Variants in TMEM108 observed in about 807,000 individuals in gnomAD.
The protein encoded by TMEM108 is cancer/testis antigen 124.
Under a neutral mutation model 35.1 loss-of-function variants are expected in TMEM108, and 12 were observed. The ratio of observed to expected loss-of-function variants is 0.34; its 90% confidence interval spans 0.22 to 0.55. TMEM108 has a LOEUF of 0.55. TMEM108 is among the 20% of genes least tolerant of loss of function. The pLI is 0.89. For missense variants in TMEM108, 680 were observed against 753.3 expected (o/e 0.90, Z 1.14); for synonymous variants, 287 against 308.6 (o/e 0.93, Z 0.73).
chr3:133,207,986 T>A (rs1001362764), intron 2 of TMEM108, among the ~76,000 whole-genome samples: 2 of 152,230 alleles, frequency 1.3e-5, no homozygotes, highest in African/African-American at 4.8e-5. Context: ...TAGATCTTTC[T>A]GTTCCAGCTA....
At chr3:133,133,398 G>A (rs1415985740) in intron 2 of TMEM108, among the ~76,000 whole-genome samples, 1 of 152,188 alleles carries the variant, frequency 6.6e-6, no homozygotes. Flanking sequence ...ATTAAGGTAT[G>A]TACTTTTTTT....
intron 2 of TMEM108, among the ~76,000 whole-genome samples, chr3:133,116,980 G>A (rs954323582): frequency 6.6e-6 from 1 of 152,130 alleles, no homozygotes; most frequent in Non-Finnish European, 1.5e-5. Context: ...ATGTTGGCCA[G>A]GCTAGTCTCC....
At chr3:133,231,187 T>C (rs1215778706) in intron 3 of TMEM108, among the ~76,000 whole-genome samples, 1 of 152,166 alleles carries the variant, frequency 6.6e-6, no homozygotes, top group Non-Finnish European at 1.5e-5. Context: ...ACACACACAA[T>C]ATGTTATTTT....
intron 2 of TMEM108, among the ~76,000 whole-genome samples, chr3:133,150,342 G>GTT (rs10663538): frequency 1.4e-4 from 15 of 109,684 alleles, no homozygotes; most frequent in Non-Finnish European, 2.1e-4. Flanking sequence ...AGGTTATTTG[G>GTT]TTTTTTTTTT....
intron 3 of TMEM108, among the ~76,000 whole-genome samples, chr3:133,249,732 C>A (rs1946440457): frequency 6.6e-6 from 1 of 152,042 alleles, no homozygotes; most frequent in African/African-American, 2.4e-5. Context: ...TCAGTTGATT[C>A]CACGTCTTTG....
At chr3:133,297,008 G>T (rs1947155176) in intron 3 of TMEM108, among the ~76,000 whole-genome samples, 2 of 152,130 alleles carry the variant, frequency 1.3e-5, no homozygotes, top group Admixed American at 6.6e-5. Context: ...AATAGAACAA[G>T]GCCCAGGTCT....
chr3:133,115,267 A>G (rs1236887689), intron 2 of TMEM108, among the ~76,000 whole-genome samples: 1 of 152,224 alleles, frequency 6.6e-6, no homozygotes. Flanking sequence ...TTCATGAAAG[A>G]CTGTTTACAG....
intron 2 of TMEM108, among the ~76,000 whole-genome samples, chr3:133,208,034 A>G (rs1945783752): frequency 6.6e-6 from 1 of 152,212 alleles, no homozygotes; most frequent in African/African-American, 2.4e-5. Flanking sequence ...ATAAAGGTAT[A>G]TTATTTATCC....
At chr3:133,267,409 G>A (rs1946714746) in intron 3 of TMEM108, among the ~76,000 whole-genome samples, 2 of 152,168 alleles carry the variant, frequency 1.3e-5, no homozygotes, top group South Asian at 4.1e-4. Flanking sequence ...GCTTCCTGGA[G>A]AAAGCAGCTA....
chr3:133,375,137 A>G (rs897916782), intron 3 of TMEM108, among the ~76,000 whole-genome samples: 1 of 152,250 alleles, frequency 6.6e-6, no homozygotes, highest in Admixed American at 6.5e-5. Flanking sequence ...AGTGTATAGT[A>G]CATATTAGCC....
At chr3:133,105,630 C>CACGTGTGTGTGT (rs1944140413) in intron 2 of TMEM108, among the ~76,000 whole-genome samples, 1 of 151,808 alleles carries the variant, frequency 6.6e-6, no homozygotes, top group Admixed American at 6.6e-5. Context: ...TATGTGTGTG[C>CACGTGTGTGTGT]GTGCACATGT....
intron 3 of TMEM108, among the ~76,000 whole-genome samples, chr3:133,302,415 CTTTTTTT>C (rs927704510): frequency 9.1e-5 from 10 of 110,084 alleles, no homozygotes; most frequent in Non-Finnish European, 1.1e-4. Context: ...TTCTTTCTTT[CTTTTTTT>C]TTTTTTTTTT....
chr3:133,063,365 C>T (rs1943557520), intron 2 of TMEM108, among the ~76,000 whole-genome samples: 4 of 152,148 alleles, frequency 2.6e-5, no homozygotes, highest in African/African-American at 9.6e-5. Flanking sequence ...CAGGATTTTA[C>T]AGAAGAAAGG....
In TMEM108 at chr3:133,086,301, C is replaced by CT. The variant is rs546850344; in HGVS notation, c.-47+40291dup. 6.6e-4 allele frequency among the ~76,000 whole-genome samples: 98 copies of CT among 149,450 alleles called. 1 individual carries two copies. Among genetic ancestry groups the CT allele is most frequent in the East Asian group, 7.8e-4 (4 of 5,098 alleles). Reference sequence around the variant, plus strand: ...TTACTTAATCTCTCGAGCATTTGAGCTTTTTTTTTTCTTTTGCCATCTGTA... The same window carrying CT: ...TTACTTAATCTCTCGAGCATTTGAGCTTTTTTTTTTTCTTTTGCCATCTGTA... On this transcript the variant is annotated intron_variant, in intron 2 of 5. Coordinates refer to ENST00000321871, the MANE Select transcript of TMEM108 (RefSeq NM_023943.4).
chr3:133,203,763 T>G (rs1945707886), intron 2 of TMEM108, among the ~76,000 whole-genome samples: 1 of 152,190 alleles, frequency 6.6e-6, no homozygotes, highest in African/African-American at 2.4e-5. Flanking sequence ...GTTCTTTTTT[T>G]GTTGTGTCCC....
At chr3:133,308,672 T>A (rs1020555119) in intron 3 of TMEM108, among the ~76,000 whole-genome samples, 1 of 152,230 alleles carries the variant, frequency 6.6e-6, no homozygotes, top group Non-Finnish European at 1.5e-5. Context: ...TCTATTGATT[T>A]GCGTATGTTG....
intron 2 of TMEM108, among the ~76,000 whole-genome samples, chr3:133,167,869 G>A (rs1057260559): frequency 1.3e-5 from 2 of 152,182 alleles, no homozygotes; most frequent in Admixed American, 6.5e-5. Context: ...GGCTCCTCAA[G>A]TGTGGCCAGA....
Position 133,253,052 on chromosome 3 carries a change from G to A in TMEM108, c.40+23701G>A, listed in dbSNP as rs145918876. ...ATTTGAAGTATACAAGAGGATGTGT[G>A]TAGGTTACATGCAAATACAATGGCA... is the stretch of plus-strand genomic sequence containing the variant. On this transcript the variant is annotated intron_variant, in intron 3 of 5. Transcript: ENST00000321871. Among the ~76,000 whole-genome samples, 16 of 152,300 alleles carry A rather than the reference G, an allele frequency of 1.1e-4. No individual in the cohort carries two copies. In the East Asian group the frequency reaches 3.1e-3, roughly 29 times the overall value.
In TMEM108 at chr3:133,355,435, T is replaced by C. The variant is rs144076982; in HGVS notation, c.41-24317T>C. Among the ~76,000 whole-genome samples the C allele has an allele frequency of 1.9e-3, 294 of 152,354 alleles. 2 individuals carry two copies. The highest frequency in any genetic ancestry group is 3.1e-3 in the Non-Finnish European group (209 of 68,034). On this transcript the variant is annotated intron_variant, in intron 3 of 5. Transcript: ENST00000321871. ...TTGTAGTTGTTCACCTCATCATCTC[T>C]CCATTTGAGGCAAATGCATCATTGG... is the stretch of plus-strand genomic sequence containing the variant.
Sources: allele counts gnomAD v4.1 joint callset (sites outside exome capture counted in the v4.1 genomes callset), GRCh38; gene constraint gnomAD v4.1.1; transcripts MANE v1.5; gene names NCBI Gene and HGNC (gene_info 2026-07-23, HGNC 2026-07-21).